The following HSD17B12 variants were observed in gnomAD, a reference collection of about 807,000 sequenced individuals.
The protein encoded by HSD17B12 is hydroxysteroid 17-beta dehydrogenase 12, also known as very-long-chain 3-oxoacyl-CoA reductase.
Under a neutral mutation model 39.3 loss-of-function variants are expected in HSD17B12, and 32 were observed. That is an observed-to-expected ratio of 0.81 (90% CI 0.61 to 1.09). The LOEUF is 1.09. HSD17B12 is among the 50% of genes least tolerant of loss of function. The pLI, the probability that HSD17B12 is intolerant of heterozygous loss-of-function variation, is 0.00. For missense variants in HSD17B12, 342 were observed against 382.9 expected, an observed-to-expected ratio of 0.89 and a Z score of 0.89; for synonymous variants, 150 against 146.7, an observed-to-expected ratio of 1.02 and a Z score of -0.16.
the HSD17B12 span, among the ~76,000 whole-genome samples, chr11:43,650,969 G>C: frequency 6.6e-6 from 1 of 152,194 alleles, no homozygotes; most frequent in Non-Finnish European, 1.5e-5. Context: ...ATAGGGTTCA[G>C]TACTATCCTT....
At chr11:43,853,692 G>A (rs923887428) in intron 9 of HSD17B12, 1 of 152,080 alleles carries the variant, frequency 6.6e-6, no homozygotes, top group African/African-American at 2.4e-5. Flanking sequence ...AGAAGGCTGA[G>A]ACAGGAGGAT....
the HSD17B12 span, among the ~76,000 whole-genome samples, chr11:43,653,021 A>T: frequency 3.3e-5 from 5 of 152,010 alleles, no homozygotes; most frequent in Non-Finnish European, 7.4e-5. Context: ...ACCCTTCTGA[A>T]ATGAGGGTCT....
the HSD17B12 span, among the ~76,000 whole-genome samples, chr11:43,602,644 A>AT: frequency 6.6e-6 from 1 of 152,082 alleles, no homozygotes; most frequent in African/African-American, 2.4e-5. Context: ...GGCCTCAGAT[A>AT]TTTTTATTTT....
chr11:43,697,203 T>A (rs755594820), intron 1 of HSD17B12, among the ~76,000 whole-genome samples: 11 of 152,148 alleles, frequency 7.2e-5, no homozygotes, highest in Non-Finnish European at 1.5e-4. Context: ...AAGAAAGCCA[T>A]GGTCTCTATC....
At chr11:43,653,055 G>A in the HSD17B12 span, among the ~76,000 whole-genome samples, 34 of 152,138 alleles carry the variant, frequency 2.2e-4, no homozygotes, top group South Asian at 7.1e-3. Flanking sequence ...CAGAAAAGTA[G>A]GGGGAGATTA....
chr11:43,716,889 G>C (rs1950128894), intron 1 of HSD17B12, among the ~76,000 whole-genome samples: 1 of 151,762 alleles, frequency 6.6e-6, no homozygotes, highest in African/African-American at 2.4e-5. Flanking sequence ...GGATATGTCA[G>C]GAGTAAAGGT....
At chr11:43,770,902 A>G (rs1432385640) in intron 3 of HSD17B12, among the ~76,000 whole-genome samples, 2 of 152,168 alleles carry the variant, frequency 1.3e-5, no homozygotes, top group East Asian at 3.8e-4. Flanking sequence ...AGTGAAATTT[A>G]TTTCTTCTAT....
At chr11:43,654,910 A>G in the HSD17B12 span, among the ~76,000 whole-genome samples, 1 of 152,054 alleles carries the variant, frequency 6.6e-6, no homozygotes. Context: ...AATTTTATGA[A>G]TTTTAAAGTA....
chr11:43,632,196 G>A, the HSD17B12 span, among the ~76,000 whole-genome samples: 1 of 152,162 alleles, frequency 6.6e-6, no homozygotes, highest in African/African-American at 2.4e-5. Context: ...AACACTTCGT[G>A]TGGCCTTGGT....
chr11:43,800,909 C>T (rs533202879), intron 4 of HSD17B12, among the ~76,000 whole-genome samples: 15 of 152,136 alleles, frequency 9.9e-5, no homozygotes, highest in South Asian at 4.2e-4. Context: ...GAGGCCAAGG[C>T]GAGAGGATCA....
the HSD17B12 span, among the ~76,000 whole-genome samples, chr11:43,586,579 T>A: frequency 1.3e-5 from 2 of 152,198 alleles, 1 homozygote; most frequent in South Asian, 4.1e-4. Context: ...AAGGCCCTCA[T>A]AAGGAGGTTT....
chr11:43,780,989 G>A (rs895423162), intron 3 of HSD17B12, among the ~76,000 whole-genome samples: 2 of 152,172 alleles, frequency 1.3e-5, no homozygotes, highest in Admixed American at 6.5e-5. Context: ...ATATGTGCAT[G>A]CAGACTAGTC....
Position 43,690,386 on chromosome 11 carries a change from ATATATATATATATATATATT to A in HSD17B12, c.160+9401_160+9420del, listed in dbSNP as rs1181348809. Among the ~76,000 whole-genome samples the A allele has an allele frequency of 3.9e-4, 4 of 10,310 alleles. No homozygotes were observed. In the Admixed American group the frequency reaches 3.9e-3, roughly 10 times the overall value. The allele number at this position is 10,310 out of a possible 152,430, so 6.8% of individuals were successfully genotyped here. On this transcript the variant is annotated intron_variant, in intron 1 of 10. Transcript: ENST00000278353. Reference sequence around the variant, plus strand: ...CATATATATATATATATATATATATATATATATATATATATATATTTTTTTTTTTTTTTTTCTGAGACAGG... The same window carrying A: ...CATATATATATATATATATATATATATTTTTTTTTTTTTTTCTGAGACAGG...
intron 1 of HSD17B12, among the ~76,000 whole-genome samples, chr11:43,745,299 T>C (rs537519324): frequency 6.6e-6 from 1 of 152,324 alleles, no homozygotes; most frequent in East Asian, 1.9e-4. Context: ...ATCTGTATTC[T>C]TTTGAAAGAG....
intron 3 of HSD17B12, among the ~76,000 whole-genome samples, chr11:43,793,329 T>C (rs983488520): frequency 2.0e-5 from 3 of 152,218 alleles, no homozygotes; most frequent in Non-Finnish European, 4.4e-5. Context: ...GCAGGCTGTT[T>C]ATTTGGAGCA....
At chr11:43,764,145 G>A (rs1950576924) in intron 3 of HSD17B12, among the ~76,000 whole-genome samples, 1 of 152,052 alleles carries the variant, frequency 6.6e-6, no homozygotes, top group Non-Finnish European at 1.5e-5. Context: ...ACCTTAATTA[G>A]GAGTGTAATG....
At chr11:43,705,237 A>G (rs972199734) in intron 1 of HSD17B12, among the ~76,000 whole-genome samples, 3 of 152,366 alleles carry the variant, frequency 2.0e-5, no homozygotes, top group South Asian at 2.1e-4. Flanking sequence ...GTTCTTGTCC[A>G]TATCAGGTAG....
intron 3 of HSD17B12, among the ~76,000 whole-genome samples, chr11:43,770,942 A>T (rs1590285312): frequency 6.6e-6 from 1 of 152,236 alleles, no homozygotes; most frequent in East Asian, 1.9e-4. Flanking sequence ...TTCTCCACTA[A>T]TTTTGCTTTT....
intron 1 of HSD17B12, among the ~76,000 whole-genome samples, chr11:43,697,810 T>C (rs2134799574): frequency 6.6e-6 from 1 of 152,232 alleles, no homozygotes; most frequent in Middle Eastern, 3.4e-3. Context: ...AGAGAGGCAA[T>C]AGATAAGACT....
Sources: gnomAD v4.1 joint callset for allele counts (sites outside exome capture counted in the v4.1 genomes callset) on GRCh38, gnomAD v4.1.1 for gene constraint, MANE v1.5 for transcripts, NCBI Gene and HGNC (gene_info 2026-07-23, HGNC 2026-07-21) for gene names.